GEMIN5: variants seen among roughly 807,000 people sequenced by gnomAD.
The protein encoded by GEMIN5 is gem-associated protein 5.
In GEMIN5, 124 loss-of-function variants were observed where a neutral mutation model predicts 176.9. The observed-to-expected ratio is 0.70, with a 90% confidence interval of 0.61 to 0.81. The LOEUF (loss-of-function observed/expected upper bound fraction) is 0.81. Ranked by LOEUF, GEMIN5 falls within the 40% of genes least tolerant of loss-of-function variation. The pLI, the probability that GEMIN5 is intolerant of heterozygous loss-of-function variation, is 0.00. For synonymous variants in GEMIN5, 673 were observed against 665.2 expected (o/e 1.01, Z -0.18); for missense variants, 1,843 against 1,814.6 (o/e 1.02, Z -0.28).
rs758784640 is a variant in GEMIN5 at position 154,898,624 on chromosome 5, T to C, written c.3161A>G (p.Asp1054Gly). 1 of 1,613,670 alleles carries C rather than the reference T, an allele frequency of 6.2e-7. No individual in the cohort carries two copies. The highest frequency in any genetic ancestry group is 8.5e-7 in the Non-Finnish European group (1 of 1,179,684). The change falls in exon 23 of 28, where the codon GAT (aspartate) becomes GGT (glycine). Residue 1054 changes from aspartate (D) to glycine (G), a missense_variant. Transcript: ENST00000285873. ...CTTTTTGGCCAAAACTTTGGCTGCA[T>C]CATAAGCACAAGTGGCCCCTAAATA... ...KCYLGATCAY[D>G]AAKVLAKKGD...
At chr5:154,915,266 A>G (rs571553562) in intron 13 of GEMIN5, among the ~76,000 whole-genome samples, 2 of 152,348 alleles carry the variant, frequency 1.3e-5, no homozygotes, top group East Asian at 3.9e-4. Context: ...GATTCTTAGA[A>G]AACTACTGAA....
In GEMIN5 at chr5:154,904,498, T is replaced by C. The variant is rs775659269; in HGVS notation, c.2632+9A>G. 43 of 1,612,648 alleles carry C rather than the reference T, an allele frequency of 2.7e-5. No individual in the cohort carries two copies. The South Asian group carries it at 4.4e-4, about 16-fold the overall frequency. ...ACTATGGATGGGCCAAGGAAGTACA[T>C]TTTTGTACCTCTGGAGTGCTTTGCA... On this transcript the variant is annotated intron_variant, in intron 18 of 27. Coordinates refer to ENST00000285873, the MANE Select transcript of GEMIN5 (RefSeq NM_015465.5).
intron 3 of GEMIN5, among the ~76,000 whole-genome samples, chr5:154,932,639 T>C (rs1764192483): frequency 1.3e-5 from 2 of 152,330 alleles, no homozygotes; most frequent in Admixed American, 6.5e-5. Flanking sequence ...CACCACTTAC[T>C]GCAGCCTTGA....
At position 154,907,761 on chromosome 5, in the gene GEMIN5, T is replaced by C. The variant is rs1383288987; in HGVS notation, c.2225A>G (p.Lys742Arg). The C allele has an allele frequency of 9.3e-6, 15 of 1,614,104 alleles. No individual in the cohort carries two copies. In the Admixed American group the frequency reaches 1.5e-4, roughly 16 times the overall value. ...KRLSQPKAKP[K>R]KKKKPTLRTP... ...TCTCAAGGTGGGCTTTTTCTTCTTTTTGGGCTTTGCCTTAGGTTGAGAGAG... is the reference window on the plus strand; with the variant it reads ...TCTCAAGGTGGGCTTTTTCTTCTTTCTGGGCTTTGCCTTAGGTTGAGAGAG... Residue 742 changes from lysine (K) to arginine (R), a missense_variant, in exon 16 of 28, where the codon AAA (lysine) becomes AGA (arginine). Transcript: ENST00000285873.
chr5:154,908,872 G>C (rs1185282785), intron 15 of GEMIN5, among the ~76,000 whole-genome samples: 1 of 152,154 alleles, frequency 6.6e-6, no homozygotes, highest in Non-Finnish European at 1.5e-5. Context: ...CTAAGTATTT[G>C]CATCTACTAG....
chr5:154,932,385 G>C (rs1764187317), intron 3 of GEMIN5, 135 bp from the exon 4 acceptor site: 1 of 627,620 alleles, frequency 1.6e-6, no homozygotes, highest in Non-Finnish European at 2.8e-6. Context: ...GGAGGGAAGA[G>C]GACAAAAAAT....
intron 24 of GEMIN5, among the ~76,000 whole-genome samples, chr5:154,893,846 C>T (rs1763291808): frequency 6.6e-6 from 1 of 152,166 alleles, no homozygotes; most frequent in Admixed American, 6.5e-5. Context: ...TGGGTTCACA[C>T]CATTCTCTTG....
chr5:154,898,019 C>T (rs1763387585), intron 23 of GEMIN5, among the ~76,000 whole-genome samples: 1 of 150,638 alleles, frequency 6.6e-6, no homozygotes, highest in African/African-American at 2.4e-5. Flanking sequence ...CCTGCCTCAG[C>T]CTCCCAAGTA....
At chr5:154,893,915 G>A (rs1021046944) in intron 24 of GEMIN5, among the ~76,000 whole-genome samples, 3 of 151,880 alleles carry the variant, frequency 2.0e-5, no homozygotes, top group South Asian at 2.1e-4. Context: ...GGCTAACACC[G>A]ATATTATTTG....
chr5:154,937,151 G>C lies in GEMIN5; in HGVS notation c.201C>G (p.Val67=), dbSNP rs1242150102. The part of the protein sequence containing the change: ...IGELVGHTER[V]SGFTFSHHPG... ...GGTGATGAGAAAATGTGAAGCCAGA[G>C]ACCCTTTCGGTGTGTCCCACCAACT... The change falls in exon 2 of 28, where the codon GTC becomes GTG. Residue 67 remains valine (V), a synonymous_variant. Transcript: ENST00000285873. 1 of 1,613,522 alleles carries C rather than the reference G, an allele frequency of 6.2e-7. No homozygotes were observed. Among genetic ancestry groups the C allele is most frequent in the South Asian group, 1.1e-5 (1 of 91,028 alleles).
intron 26 of GEMIN5, 52 bp downstream of exon 26, chr5:154,891,189 C>G: frequency 6.5e-7 from 1 of 1,535,876 alleles, no homozygotes; most frequent in African/African-American, 1.4e-5. Flanking sequence ...ACCACTGTTC[C>G]TAGCCAGCAG....
rs1366247926 is a variant in GEMIN5 at position 154,899,301 on chromosome 5, A to C, written c.3024T>G (p.Ile1008Met). The change falls in exon 22 of 28, where the codon ATT (isoleucine) becomes ATG (methionine). Residue 1008 changes from isoleucine (I) to methionine (M), a missense_variant. Transcript: ENST00000285873. Reference protein sequence around the residue: ...LKSNHFYREAIAIAKARLRPE... With the variant: ...LKSNHFYREAMAIAKARLRPE... ...GGCGCAGCCGGGCCTTGGCAATCGC[A>C]ATAGCTTCCCTAAAGGCAAGAACAG... The C allele has an allele frequency of 1.5e-5, 24 of 1,610,874 alleles. No homozygotes were observed. Among genetic ancestry groups the C allele is most frequent in the Non-Finnish European group, 2.0e-5 (24 of 1,178,540 alleles).
At chr5:154,902,336 C>G (rs1207129567) in intron 20 of GEMIN5, among the ~76,000 whole-genome samples, 1 of 152,158 alleles carries the variant, frequency 6.6e-6, no homozygotes, top group Non-Finnish European at 1.5e-5. Flanking sequence ...ACCAATTATG[C>G]TTTTGCCAAT....
rs367634594 is a variant in GEMIN5 at position 154,907,789 on chromosome 5, G to A, written c.2197C>T (p.Arg733Trp). 1.5e-5 allele frequency: 24 copies of A among 1,613,326 alleles called. No individual in the cohort carries two copies. The South Asian group carries it at 1.5e-4, about 10-fold the overall frequency. The change falls in exon 16 of 28, where the codon CGG becomes TGG. Residue 733 changes from arginine to tryptophan, a missense_variant. Transcript: ENST00000285873. The stretch of plus-strand genomic sequence containing the variant: ...GGCTTTGCCTTAGGTTGAGAGAGCC[G>A]TTTTTTCTCCAATTCAATACTTTTT... ...GKKSIELEKK[R>W]LSQPKAKPKK...
In GEMIN5 at chr5:154,919,458, G is replaced by A. The variant is rs892835694; in HGVS notation, c.1599+509C>T. Among the ~76,000 whole-genome samples, 13 of 152,206 alleles carry A rather than the reference G, an allele frequency of 8.5e-5. No homozygotes were observed. The East Asian group carries it at 2.5e-3, about 29-fold the overall frequency. On this transcript the variant is annotated intron_variant, in intron 11 of 27. Coordinates refer to ENST00000285873, the MANE Select transcript of GEMIN5 (RefSeq NM_015465.5). The stretch of plus-strand genomic sequence containing the variant: ...AATTAAATGTGGGAATCTGGGTAAA[G>A]GATATAAGCAAATTATGTGTATTAT...
intron 9 of GEMIN5, 66 bp downstream of exon 9, chr5:154,924,403 A>G (rs1763984811): frequency 1.1e-6 from 1 of 871,498 alleles, no homozygotes; most frequent in African/African-American, 1.7e-5. Context: ...GGATTATTCT[A>G]GAGCAGGGGT....
At chr5:154,888,837 T>C (rs1429711071) in intron 27 of GEMIN5, among the ~76,000 whole-genome samples, 1 of 144,034 alleles carries the variant, frequency 6.9e-6, no homozygotes, top group East Asian at 2.1e-4. Context: ...CCAAAGTAAT[T>C]GGATTCTAAA....
At chr5:154,928,719 C>T in intron 5 of GEMIN5, 60 bp from the exon 6 acceptor site, 1 of 1,516,870 alleles carries the variant, frequency 6.6e-7, no homozygotes, top group Non-Finnish European at 9.1e-7. Flanking sequence ...TGCATGAAGT[C>T]ACCGGTGGTT....
chr5:154,905,698 TG>T (rs199593329), intron 16 of GEMIN5, among the ~76,000 whole-genome samples: 1 of 149,386 alleles, frequency 6.7e-6, no homozygotes, highest in East Asian at 1.9e-4. Context: ...TCTATTACTT[TG>T]GTTTTTTTTT....
Sources: allele counts gnomAD v4.1 joint callset (sites outside exome capture counted in the v4.1 genomes callset), GRCh38; gene constraint gnomAD v4.1.1; transcripts MANE v1.5; gene names NCBI Gene and HGNC (gene_info 2026-07-23, HGNC 2026-07-21).